Variants in TCF12 observed in about 807,000 individuals in gnomAD.
TCF12 encodes the protein DNA-binding protein HTF4.
Under a neutral mutation model 86.0 loss-of-function variants are expected in TCF12, and 45 were observed. That is an observed-to-expected ratio of 0.52 (90% CI 0.41 to 0.67). TCF12 has a LOEUF of 0.67. Ranked by LOEUF, TCF12 falls within the 30% of genes least tolerant of loss-of-function variation. The pLI, the probability that TCF12 is intolerant of heterozygous loss-of-function variation, is 0.00. For missense variants in TCF12, 881 were observed against 859.9 expected, an observed-to-expected ratio of 1.02 and a Z score of -0.31; for synonymous variants, 330 against 299.6, an observed-to-expected ratio of 1.10 and a Z score of -1.05.
intron 3 of TCF12, among the ~76,000 whole-genome samples, chr15:57,048,795 T>G (rs980760278): frequency 2.6e-5 from 4 of 152,206 alleles, no homozygotes; most frequent in Admixed American, 1.3e-4. Context: ...GGGAAAAATT[T>G]ATATATGGTG....
chr15:56,951,056 A>T (rs1434908503), intron 3 of TCF12, among the ~76,000 whole-genome samples: 2 of 152,030 alleles, frequency 1.3e-5, no homozygotes, highest in African/African-American at 2.4e-5. Context: ...GCGCCCGGCC[A>T]TTATGACCAT....
At chr15:57,284,627 C>T (rs572617341) in intron 20 of TCF12, among the ~76,000 whole-genome samples, 1 of 152,372 alleles carries the variant, frequency 6.6e-6, no homozygotes, top group East Asian at 1.9e-4. Context: ...AACTTATGCT[C>T]AGGTCCCAGA....
At chr15:57,197,939 A>C (rs1459123925) in intron 8 of TCF12, 114 bp downstream of exon 8, 1 of 1,013,694 alleles carries the variant, frequency 9.9e-7, no homozygotes, top group African/African-American at 1.6e-5. Context: ...TTTACATAGT[A>C]ATTGTTCAGT....
In TCF12 at chr15:57,117,399, G is replaced by T. The variant is rs139764693; in HGVS notation, c.325+25508G>T. ...AAGGATCTTAACATCTTCTTTACTAGTAAAAATTAGGTCTATAATTAGATA... is the reference window on the plus strand; with the variant it reads ...AAGGATCTTAACATCTTCTTTACTATTAAAAATTAGGTCTATAATTAGATA... On this transcript the variant is annotated intron_variant, in intron 5 of 20. Coordinates refer to ENST00000333725, the MANE Select transcript of TCF12 (RefSeq NM_207037.2). 4.0e-3 allele frequency among the ~76,000 whole-genome samples: 616 copies of T among 152,246 alleles called. 7 individuals carry two copies. The highest frequency in any genetic ancestry group is 0.014 in the African/African-American group (584 of 41,532).
At chr15:57,126,957 TCTTCA>T (rs1248268380) in intron 5 of TCF12, among the ~76,000 whole-genome samples, 1 of 151,310 alleles carries the variant, frequency 6.6e-6, no homozygotes, top group East Asian at 1.9e-4. Flanking sequence ...TCTTTCTTAC[TCTTCA>T]CTTGTACTTT....
At chr15:57,163,481 C>T (rs1218495632) in intron 5 of TCF12, among the ~76,000 whole-genome samples, 1 of 152,134 alleles carries the variant, frequency 6.6e-6, no homozygotes, top group East Asian at 1.9e-4. Flanking sequence ...AGGAGGGTTG[C>T]TTGAGCCCAG....
chr15:57,119,608 A>G (rs1017916803), intron 5 of TCF12, among the ~76,000 whole-genome samples: 24 of 151,652 alleles, frequency 1.6e-4, no homozygotes, highest in Non-Finnish European at 3.1e-4. Context: ...TAAGAAATAG[A>G]GTCTCTTTTC....
intron 3 of TCF12, among the ~76,000 whole-genome samples, chr15:57,060,312 A>G (rs1788288865): frequency 6.6e-6 from 1 of 152,238 alleles, no homozygotes; most frequent in Non-Finnish European, 1.5e-5. Context: ...ATACTAAGTT[A>G]AAACAGCATG....
intron 5 of TCF12, among the ~76,000 whole-genome samples, chr15:57,157,553 C>CTTT (rs761155684): frequency 1.6e-3 from 220 of 137,200 alleles, no homozygotes; most frequent in African/African-American, 5.8e-3. Flanking sequence ...TAGTTTACTT[C>CTTT]TTTTTTTTTT....
chr15:57,275,366 GTA>G (rs2061352548), intron 19 of TCF12, among the ~76,000 whole-genome samples: 1 of 148,214 alleles, frequency 6.7e-6, no homozygotes, highest in Non-Finnish European at 1.5e-5. Flanking sequence ...GTGTGTGTAC[GTA>G]TGTAGAGATG....
At chr15:57,209,584 T>C (rs1214617114) in intron 8 of TCF12, among the ~76,000 whole-genome samples, 1 of 152,242 alleles carries the variant, frequency 6.6e-6, no homozygotes, top group Non-Finnish European at 1.5e-5. Context: ...CCTGTGTAGC[T>C]ATCATCTTTG....
At chr15:57,023,918 A>T (rs1014556469) in intron 3 of TCF12, among the ~76,000 whole-genome samples, 3 of 152,160 alleles carry the variant, frequency 2.0e-5, no homozygotes, top group Non-Finnish European at 4.4e-5. Context: ...GGATCGTGCA[A>T]CCTAAATCCC....
At chr15:57,129,298 T>C (rs1177092036) in intron 5 of TCF12, among the ~76,000 whole-genome samples, 3 of 152,246 alleles carry the variant, frequency 2.0e-5, no homozygotes, top group Non-Finnish European at 4.4e-5. Context: ...CTATGGCTTA[T>C]GCCTATAATC....
chr15:57,047,249 A>G (rs1489174989), intron 3 of TCF12, among the ~76,000 whole-genome samples: 1 of 152,238 alleles, frequency 6.6e-6, no homozygotes, highest in African/African-American at 2.4e-5. Context: ...GGTGCTTAGT[A>G]GTACAAACAA....
chr15:57,091,782 C>T lies in TCF12; in HGVS notation c.223-7C>T. The T allele has an allele frequency of 1.2e-6, 2 of 1,609,146 alleles. No individual in the cohort carries two copies. ...TCTTTAATACTCTGATCTTTTTCTC[C>T]CCCTAGGGTTTTACAGACAGCCCTC... On this transcript the variant is annotated splice_polypyrimidine_tract_variant and splice_region_variant and intron_variant, in intron 4 of 20. Coordinates refer to ENST00000333725, the MANE Select transcript of TCF12 (RefSeq NM_207037.2).
intron 3 of TCF12, among the ~76,000 whole-genome samples, chr15:56,981,563 C>G (rs866293756): frequency 6.6e-6 from 1 of 152,022 alleles, no homozygotes; most frequent in African/African-American, 2.4e-5. Flanking sequence ...TTGGAGGGGC[C>G]AAAAACACTC....
At chr15:57,219,675 A>T in intron 8 of TCF12, 18 of 1,114,772 alleles carry the variant, frequency 1.6e-5, no homozygotes, top group Non-Finnish European at 2.3e-5. Context: ...AAAATCTGTG[A>T]GGTTTTGTTT....
At chr15:56,947,406 G>C (rs1455959573) in intron 3 of TCF12, among the ~76,000 whole-genome samples, 3 of 152,112 alleles carry the variant, frequency 2.0e-5, no homozygotes, top group Non-Finnish European at 4.4e-5. Flanking sequence ...GACCTCTGCT[G>C]TGCAAATTCC....
At chr15:56,974,793 T>A (rs2140802006) in intron 3 of TCF12, among the ~76,000 whole-genome samples, 1 of 152,226 alleles carries the variant, frequency 6.6e-6, no homozygotes, top group South Asian at 2.1e-4. Flanking sequence ...TTCGTATTTT[T>A]TTTTCTCTAC....
Sources: gnomAD v4.1 joint callset for allele counts (sites outside exome capture counted in the v4.1 genomes callset) on GRCh38, gnomAD v4.1.1 for gene constraint, MANE v1.5 for transcripts, NCBI Gene and HGNC (gene_info 2026-07-23, HGNC 2026-07-21) for gene names.